The following GRAMD1B variants were observed in gnomAD, a reference collection of about 807,000 sequenced individuals.
GRAMD1B encodes the protein GRAM domain containing 1B, also known as protein Aster-B.
GRAMD1B carries 37 observed loss-of-function variants against 99.7 expected under a neutral mutation model. That is an observed-to-expected ratio of 0.37 (90% confidence interval 0.29 to 0.49). The LOEUF (loss-of-function observed/expected upper bound fraction) is 0.49. Among genes scored for constraint, GRAMD1B ranks in the 20% least tolerant of loss-of-function variants. GRAMD1B has a pLI of 0.98. For synonymous variants in GRAMD1B, 427 were observed against 387.6 expected (o/e 1.10, Z -1.19); for missense variants, 888 against 1,009.2 (o/e 0.88, Z 1.63).
intron 1 of GRAMD1B, among the ~76,000 whole-genome samples, chr11:123,442,084 A>G (rs1160010774): frequency 1.3e-5 from 2 of 152,166 alleles, no homozygotes; most frequent in African/African-American, 4.8e-5. Flanking sequence ...TTCTCCCCAC[A>G]CACCAAGAAG....
intron 1 of GRAMD1B, among the ~76,000 whole-genome samples, chr11:123,470,120 C>T (rs1281590895): frequency 6.6e-6 from 1 of 152,144 alleles, no homozygotes; most frequent in African/African-American, 2.4e-5. Context: ...CCACAAAGAC[C>T]AGTCTACAGA....
intron 1 of GRAMD1B, chr11:123,432,080 C>G (rs76854774): frequency 0.12 from 47,974 of 398,510 alleles, 3,133 homozygotes; most frequent in South Asian, 0.15. Context: ...ATCACTTTCC[C>G]TGGAATTCCT....
rs186102874 is a variant in GRAMD1B, at chr11:123,469,649, C to T, written c.375-11167C>T. Among the ~76,000 whole-genome samples, 24 of 152,248 alleles carry T rather than the reference C, an allele frequency of 1.6e-4. No homozygotes were observed. The East Asian group carries it at 3.7e-3, about 23-fold the overall frequency. ...AGAGCTCTGTACCTCTGCAACTATACGATACTAAAAATAAGTATTATTTTT... is the reference window on the plus strand; with the variant it reads ...AGAGCTCTGTACCTCTGCAACTATATGATACTAAAAATAAGTATTATTTTT... On this transcript the variant is annotated intron_variant, in intron 1 of 19. Coordinates refer to ENST00000635736, the MANE Select transcript of GRAMD1B (RefSeq NM_001387025.1).
intron 2 of GRAMD1B, among the ~76,000 whole-genome samples, chr11:123,566,204 A>G (rs1441266805): frequency 2.0e-5 from 3 of 152,196 alleles, no homozygotes; most frequent in Admixed American, 6.5e-5. Flanking sequence ...CGTGCAACAG[A>G]CTAAAAACAC....
At chr11:123,557,977 CTTTTTTT>C (rs532091098) in intron 2 of GRAMD1B, among the ~76,000 whole-genome samples, 1 of 99,920 alleles carries the variant, frequency 1.0e-5, no homozygotes, top group Non-Finnish European at 2.0e-5. Flanking sequence ...TTCAGTGCAA[CTTTTTTT>C]TTTTTTTTTT....
intron 1 of GRAMD1B, among the ~76,000 whole-genome samples, chr11:123,474,692 T>C (rs1435252747): frequency 6.6e-6 from 1 of 150,444 alleles, no homozygotes; most frequent in Non-Finnish European, 1.5e-5. Flanking sequence ...TTCTACTGTA[T>C]CACTGCTTAA....
chr11:123,583,412 G>C (rs933152345), intron 3 of GRAMD1B, among the ~76,000 whole-genome samples: 3 of 150,452 alleles, frequency 2.0e-5, no homozygotes, highest in African/African-American at 4.9e-5. Flanking sequence ...GTGTGTGTCT[G>C]TGTATATGTG....
At chr11:123,442,226 A>T (rs2134275459) in intron 1 of GRAMD1B, among the ~76,000 whole-genome samples, 1 of 152,360 alleles carries the variant, frequency 6.6e-6, no homozygotes, top group South Asian at 2.1e-4. Flanking sequence ...GATGCCAATC[A>T]CAAGTTAGAG....
Position 123,573,978 on chromosome 11 carries a change from A to G in GRAMD1B, c.453-3389A>G, listed in dbSNP as rs542351068. Among the ~76,000 whole-genome samples, 307 of 151,782 alleles carry G rather than the reference A, an allele frequency of 2.0e-3. 3 individuals are homozygous for G. Among genetic ancestry groups the G allele is most frequent in the African/African-American group, 7.1e-3 (295 of 41,358 alleles). On this transcript the variant is annotated intron_variant, in intron 2 of 19. Transcript: ENST00000635736. ...GTTTGTAGGTCCTTCATACCAGGCT[A>G]TGTGCTTTCAGTGCTTTAGTCAGCT...
chr11:123,387,080 C>G (rs1050697702), intron 1 of GRAMD1B, among the ~76,000 whole-genome samples: 1 of 152,068 alleles, frequency 6.6e-6, no homozygotes, highest in African/African-American at 2.4e-5. Context: ...TTGGCAGAGA[C>G]GTTTTGTAGT....
chr11:123,601,234 A>G (rs576401876), intron 8 of GRAMD1B, among the ~76,000 whole-genome samples: 1 of 152,338 alleles, frequency 6.6e-6, no homozygotes, highest in Non-Finnish European at 1.5e-5. Flanking sequence ...CTTAAAGTAC[A>G]GAAAATGTAG....
chr11:123,376,676 TGG>T (rs2135761911), intron 1 of GRAMD1B, among the ~76,000 whole-genome samples: 1 of 152,296 alleles, frequency 6.6e-6, no homozygotes, highest in South Asian at 2.1e-4. Flanking sequence ...TTTGCAAATA[TGG>T]GCATGATTCC....
intron 1 of GRAMD1B, among the ~76,000 whole-genome samples, chr11:123,479,015 A>T (rs1291987710): frequency 6.6e-6 from 1 of 152,154 alleles, no homozygotes; most frequent in Non-Finnish European, 1.5e-5. Flanking sequence ...ATTATAGTGA[A>T]ATTTGGTTAT....
chr11:123,486,633 T>C (rs1185088498), intron 2 of GRAMD1B, among the ~76,000 whole-genome samples: 1 of 151,946 alleles, frequency 6.6e-6, no homozygotes, highest in Non-Finnish European at 1.5e-5. Context: ...ATGTCACATA[T>C]TTAGACTCCA....
At chr11:123,441,497 C>T (rs1228295820) in intron 1 of GRAMD1B, among the ~76,000 whole-genome samples, 1 of 152,036 alleles carries the variant, frequency 6.6e-6, no homozygotes, top group South Asian at 2.1e-4. Context: ...AAAAATTAGC[C>T]AGGGCCAGGC....
At chr11:123,548,309 TATATATATATATATATACACAC>T (rs1945232365) in intron 2 of GRAMD1B, among the ~76,000 whole-genome samples, 1 of 84,410 alleles carries the variant, frequency 1.2e-5, no homozygotes, top group African/African-American at 6.1e-5. Flanking sequence ...TATATATATA[TATATATATATATATATACACAC>T]ACACACACAC....
At chr11:123,498,361 G>A (rs550266182) in intron 2 of GRAMD1B, among the ~76,000 whole-genome samples, 4 of 152,294 alleles carry the variant, frequency 2.6e-5, no homozygotes, top group South Asian at 4.1e-4. Context: ...CAATTGCTGC[G>A]CTCTCCCTCT....
At chr11:123,545,074 G>A (rs1008539138) in intron 2 of GRAMD1B, among the ~76,000 whole-genome samples, 1 of 152,194 alleles carries the variant, frequency 6.6e-6, no homozygotes, top group Non-Finnish European at 1.5e-5. Context: ...TCTGAAGGCA[G>A]CCTTGTCACC....
intron 2 of GRAMD1B, among the ~76,000 whole-genome samples, chr11:123,546,631 G>C (rs1050742028): frequency 2.0e-5 from 3 of 152,184 alleles, no homozygotes; most frequent in Non-Finnish European, 4.4e-5. Context: ...AAGGGCCATT[G>C]GTCGAGGAGA....
Sources: allele counts gnomAD v4.1 joint callset (sites outside exome capture counted in the v4.1 genomes callset), GRCh38; gene constraint gnomAD v4.1.1; transcripts MANE v1.5; gene names NCBI Gene and HGNC (gene_info 2026-07-23, HGNC 2026-07-21).